The following ART3 variants were observed in gnomAD, a reference collection of about 807,000 sequenced individuals.
ART3 encodes the protein ADP-ribosyltransferase 3 (inactive).
A neutral mutation model predicts 48.5 loss-of-function variants in ART3; 49 were observed. The observed-to-expected ratio is 1.01, with a 90% CI of 0.80 to 1.28. The LOEUF is 1.28. ART3 is among the 50% of genes most tolerant of loss of function. The pLI is 0.00. For synonymous variants in ART3, 145 were observed against 157.2 expected, an observed-to-expected ratio of 0.92 and a Z score of 0.58; for missense variants, 438 against 454.3, an observed-to-expected ratio of 0.96 and a Z score of 0.33.
chr4:76,034,911 A>T (rs1462403410), intron 1 of ART3: 3 of 1,356,880 alleles, frequency 2.2e-6, no homozygotes, highest in African/African-American at 2.9e-5. Context: ...AGCTGTTACA[A>T]CCAAGGACCC....
chr4:76,050,513 G>A (rs1251970264), intron 1 of ART3, among the ~76,000 whole-genome samples: 3 of 152,148 alleles, frequency 2.0e-5, no homozygotes, highest in Non-Finnish European at 4.4e-5. Context: ...ACAGAGGGCC[G>A]ATTGGTGTAT....
chr4:76,043,345 G>C (rs1038010029), intron 1 of ART3, among the ~76,000 whole-genome samples: 1 of 152,146 alleles, frequency 6.6e-6, no homozygotes, highest in Admixed American at 6.5e-5. Context: ...TGGAGCAGGG[G>C]GTGGCACTCG....
At chr4:76,090,216 G>A (rs969641402) in intron 3 of ART3, among the ~76,000 whole-genome samples, 1 of 152,196 alleles carries the variant, frequency 6.6e-6, no homozygotes, top group South Asian at 2.1e-4. Flanking sequence ...GCCAGGTTTG[G>A]CCCTTTATTG....
chr4:76,104,507 C>G (rs1728040963), intron 9 of ART3, 90 bp from the exon 10 acceptor site: 1 of 1,544,172 alleles, frequency 6.5e-7, no homozygotes, highest in Non-Finnish European at 8.7e-7. Flanking sequence ...GCCTTGGGTG[C>G]TTGCATCTCT....
chr4:76,077,013 TG>T (rs1246211957), intron 2 of ART3, among the ~76,000 whole-genome samples: 8 of 152,350 alleles, frequency 5.3e-5, no homozygotes, highest in African/African-American at 1.7e-4. Context: ...TGTCGCAGTA[TG>T]TTTTTTATTG....
At chr4:76,089,752 A>G (rs1299506948) in intron 3 of ART3, among the ~76,000 whole-genome samples, 2 of 152,154 alleles carry the variant, frequency 1.3e-5, no homozygotes, top group East Asian at 3.8e-4. Flanking sequence ...TGTCTGACAG[A>G]TATCAAGCCT....
chr4:76,014,917 GA>G (rs969998251), intron 1 of ART3, among the ~76,000 whole-genome samples: 3 of 151,832 alleles, frequency 2.0e-5, no homozygotes, highest in African/African-American at 7.3e-5. Flanking sequence ...AGTGCTGAAA[GA>G]AAAAAAATCT....
upstream of ART3, among the ~76,000 whole-genome samples, chr4:76,070,579 A>G (rs1337296160): frequency 6.6e-6 from 1 of 152,210 alleles, no homozygotes; most frequent in Non-Finnish European, 1.5e-5. Flanking sequence ...AATTTAGCTT[A>G]GTCTGCATCT....
intron 1 of ART3, chr4:76,022,834 A>T: frequency 6.2e-7 from 1 of 1,603,686 alleles, no homozygotes; most frequent in Non-Finnish European, 8.5e-7. Context: ...GAAAAGAGGA[A>T]CAGCAGAGAA....
intron 1 of ART3, 42 bp from the exon 2 acceptor site, chr4:76,075,837 CTT>C: frequency 6.7e-7 from 1 of 1,501,428 alleles, no homozygotes. Flanking sequence ...CCCTACACCT[CTT>C]TTTTGAGTCT....
In ART3 at chr4:76,075,934, C is replaced by A. The variant is rs1432622644; in HGVS notation, c.45C>A (p.Thr15=). ...AAATAGTCACCATGCTGCTGGCAAC[C>A]ATGATTCTAGTGGACATTTTCCAGG... ...HFEIVTMLLA[T]MILVDIFQVK... The change falls in exon 2 of 12, where the codon ACC becomes ACA. Residue 15 remains threonine (T), a synonymous_variant. Coordinates refer to ENST00000355810, the MANE Select transcript of ART3 (RefSeq NM_001130016.3). The A allele has an allele frequency of 6.2e-7, 1 of 1,611,962 alleles. No individual in the cohort carries two copies. The highest frequency in any genetic ancestry group is 1.1e-5 in the South Asian group (1 of 90,854).
chr4:76,091,551 C>G (rs1724891250), intron 3 of ART3, among the ~76,000 whole-genome samples: 1 of 152,096 alleles, frequency 6.6e-6, no homozygotes, highest in African/African-American at 2.4e-5. Flanking sequence ...GAAACACCTG[C>G]TCAAAGATTT....
chr4:76,069,680 G>A (rs1720122108), intron 1 of ART3, among the ~76,000 whole-genome samples: 2 of 152,030 alleles, frequency 1.3e-5, no homozygotes, highest in Non-Finnish European at 2.9e-5. Context: ...ATGAGCCACT[G>A]CATCCGGCCT....
intron 3 of ART3, among the ~76,000 whole-genome samples, chr4:76,093,765 C>T (rs1348569143): frequency 2.6e-5 from 4 of 152,140 alleles, no homozygotes; most frequent in Non-Finnish European, 5.9e-5. Flanking sequence ...GTCAGTAATT[C>T]TATCTGGTGT....
rs1236551039 is a variant in ART3, at chr4:76,107,762, AG to A, written c.1006del (p.Asp336IlefsTer42). The A allele has an allele frequency of 1.5e-5, 21 of 1,441,938 alleles. No homozygotes were observed. The Admixed American group carries it at 2.2e-4, about 15-fold the overall frequency. 89.3% of individuals were successfully genotyped at this position (1,441,938 alleles called of 1,614,324 possible). A position where few individuals can be genotyped will look rare whatever the true frequency, so the allele number is the denominator to read the frequency against. Reference sequence around the variant, plus strand: ...ACTCAAAATCTCTTTATATTTTAGAAGATAAAAGTCAAGGAAATATCAACAA... The same window carrying A: ...ACTCAAAATCTCTTTATATTTTAGAAATAAAAGTCAAGGAAATATCAACAA... Reference protein sequence around the residue: ...KIPEPFPLPEDKSQGNINNPT... With the variant: ...KIPEPFPLPEXKSQGNINNPT... On this transcript the variant is annotated frameshift_variant and splice_region_variant, in exon 11 of 12. Transcript: ENST00000355810. LOFTEE classifies it low-confidence loss of function (END_TRUNC).
At chr4:76,037,411 TTA>T (rs762162786) in intron 1 of ART3, among the ~76,000 whole-genome samples, 1 of 152,166 alleles carries the variant, frequency 6.6e-6, no homozygotes, top group Non-Finnish European at 1.5e-5. Context: ...TGCTGATTCT[TTA>T]TGTTTTCTTT....
chr4:76,112,130 A>C, intron 11 of ART3: 1 of 382,964 alleles, frequency 2.6e-6, no homozygotes. Context: ...TTTGGGAATC[A>C]GGTTACATGT....
At chr4:76,084,103 C>T (rs1255949109) in intron 3 of ART3, among the ~76,000 whole-genome samples, 1 of 152,086 alleles carries the variant, frequency 6.6e-6, no homozygotes, top group African/African-American at 2.4e-5. Context: ...CCTCCAAATC[C>T]TTTGACAGAA....
chr4:76,032,517 AT>A (rs975105232), intron 1 of ART3, among the ~76,000 whole-genome samples: 9 of 150,704 alleles, frequency 6.0e-5, no homozygotes, highest in African/African-American at 2.2e-4. Flanking sequence ...GACTATGTGA[AT>A]TTTTATTTTT....
Sources: allele counts gnomAD v4.1 joint callset (sites outside exome capture counted in the v4.1 genomes callset), GRCh38; gene constraint gnomAD v4.1.1; transcripts MANE v1.5; gene names NCBI Gene and HGNC (gene_info 2026-07-23, HGNC 2026-07-21).